The following CCDC141 variants were observed in gnomAD, a reference collection of about 807,000 sequenced individuals.
CCDC141 encodes the protein coiled-coil domain containing 141, also known as coiled-coil domain-containing protein 141.
A neutral mutation model predicts 181.0 loss-of-function variants in CCDC141; 168 were observed. The ratio of observed to expected loss-of-function variants is 0.93; its 90% CI spans 0.82 to 1.05. CCDC141 has a LOEUF of 1.05. CCDC141 is among the 50% of genes least tolerant of loss of function. The pLI is 0.00. For synonymous variants in CCDC141, 666 were observed against 642.3 expected (o/e 1.04, Z -0.56); for missense variants, 1,902 against 1,788.5 (o/e 1.06, Z -1.14).
chr2:179,023,071 C>T (rs996548479), intron 2 of CCDC141, among the ~76,000 whole-genome samples: 1 of 152,082 alleles, frequency 6.6e-6, no homozygotes, highest in African/African-American at 2.4e-5. Context: ...AGTGGGAGCC[C>T]CAGCTCCATG....
chr2:179,007,217 A>C (rs1255889085), intron 2 of CCDC141, among the ~76,000 whole-genome samples: 2 of 152,174 alleles, frequency 1.3e-5, no homozygotes, highest in African/African-American at 4.8e-5. Context: ...TGGCCATACC[A>C]TCAGCTATGT....
chr2:178,975,281 T>G, intron 3 of CCDC141, 116 bp from the exon 4 acceptor site: 1 of 560,208 alleles, frequency 1.8e-6, no homozygotes, highest in Non-Finnish European at 3.2e-6. Context: ...GATGTGTGAT[T>G]ATGCAAGTGC....
Position 178,947,473 on chromosome 2 carries a change from C to G in CCDC141, c.781-2822G>C, listed in dbSNP as rs1019419736. 3.3e-5 allele frequency among the ~76,000 whole-genome samples: 5 copies of G among 152,094 alleles called. No homozygotes were observed. The East Asian group carries it at 9.6e-4, about 29-fold the overall frequency. On this transcript the variant is annotated intron_variant, in intron 5 of 23. Transcript: ENST00000443758. ...TAATTAGAATATTTTTCCTTTCTTC[C>G]CAGTTTCTATCTTCCAGTTTCATCT... is the stretch of plus-strand genomic sequence containing the variant.
chr2:178,861,343 A>T (rs1034047087), intron 17 of CCDC141, among the ~76,000 whole-genome samples: 1 of 152,064 alleles, frequency 6.6e-6, no homozygotes, highest in Non-Finnish European at 1.5e-5. Context: ...ATTTTTAAAA[A>T]TTTTTTGTAG....
chr2:178,819,716 A>T, the CCDC141 span, among the ~76,000 whole-genome samples: 1 of 152,168 alleles, frequency 6.6e-6, no homozygotes, highest in African/African-American at 2.4e-5. Context: ...AACATCCTAC[A>T]GTGTATAGGA....
chr2:178,853,333 G>T, intron 20 of CCDC141, 108 bp downstream of exon 20: 2 of 907,710 alleles, frequency 2.2e-6, no homozygotes, highest in Non-Finnish European at 3.4e-6. Flanking sequence ...GAATACACTG[G>T]TGTGCTGAGG....
chr2:178,985,871 C>T (rs918560278), intron 2 of CCDC141, among the ~76,000 whole-genome samples: 7 of 152,168 alleles, frequency 4.6e-5, no homozygotes, highest in Admixed American at 2.0e-4. Context: ...GATTCACAGC[C>T]GAATTCTACC....
chr2:178,881,911 TCTCTCACA>T (rs1186281178), intron 11 of CCDC141, among the ~76,000 whole-genome samples: 237 of 107,202 alleles, frequency 2.2e-3, no homozygotes, highest in South Asian at 0.016. Flanking sequence ...TCTCTCTCTC[TCTCTCACA>T]CACACACACA....
At chr2:179,015,913 CTCATATATATCATATAATT>C in intron 2 of CCDC141, among the ~76,000 whole-genome samples, 1 of 123,480 alleles carries the variant, frequency 8.1e-6, no homozygotes, top group Non-Finnish European at 1.6e-5. Flanking sequence ...TCATATATAT[CTCATATATATCATATAATT>C]TCATATATAT....
At chr2:178,844,851 T>A (rs1406517177) in intron 22 of CCDC141, among the ~76,000 whole-genome samples, 1 of 152,196 alleles carries the variant, frequency 6.6e-6, no homozygotes, top group African/African-American at 2.4e-5. Flanking sequence ...TTCCTTCAGC[T>A]CCTCAGGAGA....
intron 8 of CCDC141, among the ~76,000 whole-genome samples, chr2:178,897,190 G>C (rs1214552061): frequency 1.3e-5 from 2 of 152,096 alleles, no homozygotes; most frequent in African/African-American, 2.4e-5. Flanking sequence ...AGCATCTTAT[G>C]TATTTGATTT....
At chr2:178,827,910 A>G (rs892045010), downstream of CCDC141, among the ~76,000 whole-genome samples, 1 of 152,210 alleles carries the variant, frequency 6.6e-6, no homozygotes, top group Non-Finnish European at 1.5e-5. Context: ...TTCTCTGTCC[A>G]AGGGCTTTAG....
In CCDC141 at chr2:178,886,662, G is replaced by A. The variant is rs935175264; in HGVS notation, c.1527+90C>T. On this transcript the variant is annotated intron_variant, in intron 10 of 23. Coordinates refer to ENST00000443758, the MANE Select transcript of CCDC141 (RefSeq NM_173648.4). ...ATGAATTTAGAATTGTAAACCTCAAGTGAGCTAGGATTAAGTTTATAGCTA... is the reference window on the plus strand; with the variant it reads ...ATGAATTTAGAATTGTAAACCTCAAATGAGCTAGGATTAAGTTTATAGCTA... 11 of 828,078 alleles carry A rather than the reference G, an allele frequency of 1.3e-5. No individual in the cohort carries two copies. The South Asian group carries it at 1.9e-4, about 14-fold the overall frequency. The allele number at this position is 828,078 out of a possible 1,614,324, so 51.3% of individuals were successfully genotyped here. A position where few individuals can be genotyped will look rare whatever the true frequency, so the allele number is the denominator to read the frequency against.
chr2:179,014,286 A>T (rs2042361171), intron 2 of CCDC141, among the ~76,000 whole-genome samples: 1 of 152,178 alleles, frequency 6.6e-6, no homozygotes, highest in Admixed American at 6.5e-5. Flanking sequence ...TGGATTAAGG[A>T]CTTAAACCTA....
At chr2:178,881,513 T>G (rs567843983) in intron 11 of CCDC141, among the ~76,000 whole-genome samples, 1 of 152,264 alleles carries the variant, frequency 6.6e-6, no homozygotes, top group African/African-American at 2.4e-5. Flanking sequence ...GGATGAAGAC[T>G]GAAAATATGC....
intron 2 of CCDC141, among the ~76,000 whole-genome samples, chr2:178,985,536 T>C: frequency 6.6e-6 from 1 of 150,990 alleles, no homozygotes; most frequent in East Asian, 1.9e-4. Flanking sequence ...GAGCTGGTTT[T>C]TTGAAAGGAT....
chr2:178,835,407 A>G (rs1684437708), intron 23 of CCDC141, among the ~76,000 whole-genome samples: 1 of 152,226 alleles, frequency 6.6e-6, no homozygotes, highest in Non-Finnish European at 1.5e-5. Context: ...GCTTAACTGC[A>G]TGGTTTTATA....
intron 6 of CCDC141, among the ~76,000 whole-genome samples, chr2:178,931,953 G>T (rs1321353425): frequency 1.3e-5 from 2 of 152,060 alleles, no homozygotes; most frequent in Non-Finnish European, 2.9e-5. Context: ...TTCACTTGAG[G>T]TGAGGAGTTC....
chr2:178,943,327 G>C (rs1689594999), intron 6 of CCDC141, among the ~76,000 whole-genome samples: 1 of 152,152 alleles, frequency 6.6e-6, no homozygotes, highest in African/African-American at 2.4e-5. Flanking sequence ...ACAGTCTTCT[G>C]TAAGTGCACC....
Sources: allele counts gnomAD v4.1 joint callset (sites outside exome capture counted in the v4.1 genomes callset), GRCh38; gene constraint gnomAD v4.1.1; transcripts MANE v1.5; gene names NCBI Gene and HGNC (gene_info 2026-07-23, HGNC 2026-07-21).